The following HEATR5A variants were observed in gnomAD, a reference collection of about 807,000 sequenced individuals.
The protein encoded by HEATR5A is HEAT repeat-containing protein 5A.
Under a neutral mutation model 218.8 loss-of-function variants are expected in HEATR5A, and 178 were observed. The ratio of observed to expected loss-of-function variants is 0.81; its 90% CI spans 0.72 to 0.92. The LOEUF is 0.92. Among genes scored for constraint, HEATR5A ranks in the 40% least tolerant of loss-of-function variants. The probability of loss-of-function intolerance (pLI) is 0.00; values close to 1 mark genes in which losing one functional copy is unlikely to be tolerated. For synonymous variants in HEATR5A, 864 were observed against 871.6 expected (o/e 0.99, Z 0.15); for missense variants, 2,420 against 2,418.9 (o/e 1.00, Z -0.01).
chr14:31,408,668 G>A (rs545799520), intron 1 of HEATR5A, among the ~76,000 whole-genome samples: 1 of 151,970 alleles, frequency 6.6e-6, no homozygotes, highest in South Asian at 2.1e-4. Flanking sequence ...ACTAATGTCT[G>A]TACTTTGCAT....
At chr14:31,390,222 G>T (rs1209184115) in intron 6 of HEATR5A, among the ~76,000 whole-genome samples, 1 of 152,128 alleles carries the variant, frequency 6.6e-6, no homozygotes, top group Admixed American at 6.6e-5. Flanking sequence ...TGTAAGGATG[G>T]TAAGAGGGCA....
At chr14:31,302,804 TTTTA>T (rs1437483040) in intron 32 of HEATR5A, 7 of 342,734 alleles carry the variant, frequency 2.0e-5, no homozygotes, top group Admixed American at 4.6e-5. Flanking sequence ...ATGAATTTAT[TTTTA>T]TTTATCTTTT....
At chr14:31,314,786 C>G (rs1483675588) in intron 27 of HEATR5A, among the ~76,000 whole-genome samples, 1 of 152,288 alleles carries the variant, frequency 6.6e-6, no homozygotes, top group South Asian at 2.1e-4. Flanking sequence ...CTACAACTTT[C>G]AGGTTTAAAA....
chr14:31,324,611 A>G (rs1468942102), intron 23 of HEATR5A, among the ~76,000 whole-genome samples: 1 of 152,086 alleles, frequency 6.6e-6, no homozygotes, highest in African/African-American at 2.4e-5. Context: ...CTCAGGGAGT[A>G]TGAATGCAAA....
At chr14:31,389,065 T>C (rs1275125845) in intron 6 of HEATR5A, 60 bp from the exon 7 acceptor site, 13 of 1,416,548 alleles carry the variant, frequency 9.2e-6, no homozygotes, top group Non-Finnish European at 1.1e-5. Flanking sequence ...ATGTAAGTTC[T>C]TGATTTGCAA....
chr14:31,326,287 C>T lies in HEATR5A; in HGVS notation c.3423G>A (p.Lys1141=), dbSNP rs777027750. Residue 1141 remains lysine, a synonymous_variant, in exon 23 of 36, where the codon AAG becomes AAA. Transcript: ENST00000543095. The part of the protein sequence containing the change: ...LEGALLILLD[K]ETDERLCHDI... The stretch of plus-strand genomic sequence containing the variant: ...CATGGCATAATCTCTCATCTGTCTC[C>T]TTGTCTAGTAAGATCAACAATGCCC... 1.5e-5 allele frequency: 24 copies of T among 1,613,252 alleles called. No individual in the cohort carries two copies. The African/African-American group carries it at 2.8e-4, about 19-fold the overall frequency.
chr14:31,306,885 A>T lies in HEATR5A; in HGVS notation c.4819-6T>A. 1.1e-5 allele frequency: 18 copies of T among 1,596,594 alleles called. No homozygotes were observed. The highest frequency in any genetic ancestry group is 1.5e-5 in the Non-Finnish European group (18 of 1,167,956). On this transcript the variant is annotated splice_region_variant and splice_polypyrimidine_tract_variant and intron_variant, in intron 30 of 35. Transcript: ENST00000543095. ...AGCAATTCTATACCCAAGTCCTATC[A>T]TGGAAATCATGTACAGGACACTGTA...
chr14:31,310,147 C>G (rs191643490), intron 28 of HEATR5A, among the ~76,000 whole-genome samples: 1 of 151,216 alleles, frequency 6.6e-6, no homozygotes, highest in Non-Finnish European at 1.5e-5. Flanking sequence ...TAATAACATA[C>G]GCTATTTTTT....
rs192079074 is a variant in HEATR5A, at chr14:31,397,475, T to C, written c.447+1198A>G. ...GAGTTCAAGAATGGCCTGGTGAACA[T>C]GGTGAAACCCCGTCTCTACTAAAAA... On this transcript the variant is annotated intron_variant, in intron 4 of 35. Transcript: ENST00000543095. 1.3e-3 allele frequency among the ~76,000 whole-genome samples: 201 copies of C among 152,012 alleles called. 1 individual carries two copies. The highest frequency in any genetic ancestry group is 4.6e-3 in the African/African-American group (191 of 41,460).
At chr14:31,397,301 A>G (rs1283758572) in intron 4 of HEATR5A, among the ~76,000 whole-genome samples, 2 of 152,176 alleles carry the variant, frequency 1.3e-5, no homozygotes, top group Non-Finnish European at 2.9e-5. Context: ...TTGTAAATAA[A>G]GTGACAAGAG....
intron 8 of HEATR5A, among the ~76,000 whole-genome samples, chr14:31,386,802 T>G (rs1314061566): frequency 1.3e-5 from 2 of 152,142 alleles, no homozygotes; most frequent in Non-Finnish European, 2.9e-5. Flanking sequence ...AGACCCCTTA[T>G]TACTCCCTTA....
chr14:31,358,344 G>T (rs1169143084), intron 16 of HEATR5A, among the ~76,000 whole-genome samples: 3 of 152,124 alleles, frequency 2.0e-5, no homozygotes, highest in Admixed American at 1.3e-4. Flanking sequence ...CCTAGTATGT[G>T]TCTTTGTAAT....
chr14:31,409,070 TG>T (rs894968771), intron 1 of HEATR5A, among the ~76,000 whole-genome samples: 1 of 74,224 alleles, frequency 1.3e-5, no homozygotes, highest in Non-Finnish European at 3.0e-5. Flanking sequence ...AAAAAAAAGA[TG>T]GAGTCTTACC....
At chr14:31,384,981 C>T (rs2030152981) in intron 9 of HEATR5A, among the ~76,000 whole-genome samples, 1 of 152,140 alleles carries the variant, frequency 6.6e-6, no homozygotes, top group African/African-American at 2.4e-5. Flanking sequence ...GTATTATTTG[C>T]TATGATTCAA....
chr14:31,371,524 A>G (rs929268813), intron 13 of HEATR5A: 6 of 214,366 alleles, frequency 2.8e-5, no homozygotes, highest in African/African-American at 1.4e-4. Flanking sequence ...AACACAGAAT[A>G]CTCTAACAAA....
At chr14:31,399,633 C>T (rs1473427632) in intron 3 of HEATR5A, among the ~76,000 whole-genome samples, 1 of 152,100 alleles carries the variant, frequency 6.6e-6, no homozygotes, top group Non-Finnish European at 1.5e-5. Context: ...AGTTTGAGAC[C>T]AGCCTGGCCA....
chr14:31,317,980 C>A (rs1407402384), intron 26 of HEATR5A, among the ~76,000 whole-genome samples: 1 of 152,020 alleles, frequency 6.6e-6, no homozygotes, highest in East Asian at 1.9e-4. Flanking sequence ...TCATACAGCA[C>A]TATTCTAATA....
At chr14:31,413,157 G>A (rs766341145) in intron 1 of HEATR5A, among the ~76,000 whole-genome samples, 3 of 152,036 alleles carry the variant, frequency 2.0e-5, no homozygotes, top group Non-Finnish European at 2.9e-5. Flanking sequence ...TGGTAGGAAC[G>A]GGAAGAATGT....
chr14:31,300,381 G>A (rs929035513), intron 33 of HEATR5A, among the ~76,000 whole-genome samples: 13 of 151,482 alleles, frequency 8.6e-5, no homozygotes, highest in African/African-American at 2.9e-4. Context: ...TCTACCTCCC[G>A]GGTTCAAGCG....
Sources: gnomAD v4.1 joint callset for allele counts (sites outside exome capture counted in the v4.1 genomes callset) on GRCh38, gnomAD v4.1.1 for gene constraint, MANE v1.5 for transcripts, NCBI Gene and HGNC (gene_info 2026-07-23, HGNC 2026-07-21) for gene names.